SHB: variants seen among roughly 807,000 people sequenced by gnomAD.
SHB encodes SH2 domain-containing adapter protein B.
Under a neutral mutation model 52.3 loss-of-function variants are expected in SHB, and 20 were observed. The ratio of observed to expected loss-of-function variants is 0.38; its 90% CI spans 0.27 to 0.56. The LOEUF is 0.56. SHB is among the 20% of genes least tolerant of loss of function. The pLI is 0.71. For synonymous variants in SHB, 397 were observed against 316.5 expected (o/e 1.25, Z -2.70); for missense variants, 825 against 723.3 (o/e 1.14, Z -1.61).
intron 2 of SHB, among the ~76,000 whole-genome samples, chr9:37,999,125 G>A (rs1282579997): frequency 6.6e-6 from 1 of 152,204 alleles, no homozygotes; most frequent in Non-Finnish European, 1.5e-5. Flanking sequence ...AACCCTATAG[G>A]GTGTGGGATT....
chr9:37,946,583 G>A (rs1397084261), intron 5 of SHB, among the ~76,000 whole-genome samples: 1 of 152,218 alleles, frequency 6.6e-6, no homozygotes, highest in Non-Finnish European at 1.5e-5. Flanking sequence ...CCCAGTGCCA[G>A]CCCGGCAGGA....
rs183079759 is a variant in SHB, at chr9:37,919,624, C to T, written c.*197G>A. On this transcript the variant is annotated 3_prime_UTR_variant, in exon 6 of 6. Coordinates refer to ENST00000377707, the MANE Select transcript of SHB (RefSeq NM_003028.3). ...GGTGGGGGCTGGGGTGGTGTGTTGC[C>T]GCCCTTCTGTCTTTATCCAGGCCTT... The T allele has an allele frequency of 5.2e-5, 26 of 496,970 alleles. No homozygotes were observed. The highest frequency in any genetic ancestry group is 2.9e-4 in the East Asian group (9 of 31,238). 30.8% of individuals were successfully genotyped at this position (496,970 alleles called of 1,614,324 possible).
Position 37,916,695 on chromosome 9 carries a change from G to A in SHB, c.*3126C>T, listed in dbSNP as rs1009673211. Among the ~76,000 whole-genome samples the A allele has an allele frequency of 6.6e-6, 1 of 152,224 alleles. No individual in the cohort carries two copies. The highest frequency in any genetic ancestry group is 1.5e-5 in the Non-Finnish European group (1 of 68,036). On this transcript the variant is annotated 3_prime_UTR_variant, in exon 6 of 6. Coordinates refer to ENST00000377707, the MANE Select transcript of SHB (RefSeq NM_003028.3). Reference sequence around the variant, plus strand: ...AGCTACGCTGTGAGCCTCTCTCCAGGAGAGGGTGTCAGCCTGGGCCATTCT... The same window carrying A: ...AGCTACGCTGTGAGCCTCTCTCCAGAAGAGGGTGTCAGCCTGGGCCATTCT...
intron 5 of SHB, among the ~76,000 whole-genome samples, chr9:37,931,044 A>G (rs1832305882): frequency 6.6e-6 from 1 of 152,210 alleles, no homozygotes; most frequent in Non-Finnish European, 1.5e-5. Context: ...AAATGGTGCT[A>G]ATAAACTAGA....
rs545472541 is a variant in SHB, at chr9:38,021,833, T to C, written c.718-5702A>G. ...ACACCACACTGCATTTTTAGACAGG[T>C]GAATAATGAGTGTTGAATTATGATG... is the stretch of plus-strand genomic sequence containing the variant. On this transcript the variant is annotated intron_variant, in intron 1 of 5. Transcript: ENST00000377707. Among the ~76,000 whole-genome samples the C allele has an allele frequency of 3.3e-5, 5 of 152,120 alleles. No homozygotes were observed. The South Asian group carries it at 8.3e-4, about 25-fold the overall frequency.
chr9:37,962,476 T>A (rs1564089265), intron 3 of SHB, among the ~76,000 whole-genome samples: 1 of 151,618 alleles, frequency 6.6e-6, no homozygotes, highest in Non-Finnish European at 1.5e-5. Context: ...TCAAGTGATT[T>A]TGGGAACAGT....
intron 5 of SHB, among the ~76,000 whole-genome samples, chr9:37,946,310 C>T (rs1449056977): frequency 6.6e-6 from 1 of 152,238 alleles, no homozygotes; most frequent in Admixed American, 6.5e-5. Flanking sequence ...AATGGCACAC[C>T]CCAGTGAGGA....
intron 5 of SHB, among the ~76,000 whole-genome samples, chr9:37,943,796 A>G (rs940241185): frequency 3.3e-5 from 5 of 152,306 alleles, no homozygotes; most frequent in African/African-American, 4.8e-5. Context: ...CCCAGCTAGA[A>G]GTCCCCCAGT....
chr9:38,041,435 G>A (rs1414137012), intron 1 of SHB, among the ~76,000 whole-genome samples: 1 of 152,220 alleles, frequency 6.6e-6, no homozygotes, highest in East Asian at 1.9e-4. Flanking sequence ...GAGGGAGACT[G>A]CGTTGGGACA....
At chr9:37,967,806 C>A (rs1343132820) in intron 3 of SHB, among the ~76,000 whole-genome samples, 1 of 152,214 alleles carries the variant, frequency 6.6e-6, no homozygotes, top group South Asian at 2.1e-4. Flanking sequence ...AGACTTACTG[C>A]TCCAGGCAAA....
chr9:37,935,918 CA>C (rs1387854141), intron 5 of SHB, among the ~76,000 whole-genome samples: 1 of 122,736 alleles, frequency 8.1e-6, no homozygotes, highest in Non-Finnish European at 1.7e-5. Context: ...TGCTCTGCCT[CA>C]TTAAAGAAAA....
In SHB at chr9:37,919,023, G is replaced by A. The variant is rs1196648438; in HGVS notation, c.*798C>T. The A allele has an allele frequency of 1.3e-5, 2 of 152,510 alleles. No homozygotes were observed. Among genetic ancestry groups the A allele is most frequent in the African/African-American group, 4.8e-5 (2 of 41,448 alleles). The allele number at this position is 152,510 out of a possible 1,614,324, so 9.4% of individuals were successfully genotyped here. ...AGGCCTCGGCCTCCCTCCCCTCCCT[G>A]GGGCCTGCCACAGCAGCAAGCCCAG... is the stretch of plus-strand genomic sequence containing the variant. On this transcript the variant is annotated 3_prime_UTR_variant, in exon 6 of 6. Coordinates refer to ENST00000377707, the MANE Select transcript of SHB (RefSeq NM_003028.3).
intron 1 of SHB, among the ~76,000 whole-genome samples, chr9:38,032,875 G>A (rs919385323): frequency 6.6e-6 from 1 of 152,222 alleles, no homozygotes; most frequent in African/African-American, 2.4e-5. Flanking sequence ...CCCGTGCCAG[G>A]CAGAGGAGGG....
chr9:38,059,553 A>G (rs1438968594), intron 1 of SHB, among the ~76,000 whole-genome samples: 1 of 152,256 alleles, frequency 6.6e-6, no homozygotes, highest in African/African-American at 2.4e-5. Context: ...AAACATTAAT[A>G]GAAATATTAC....
intron 2 of SHB, among the ~76,000 whole-genome samples, chr9:38,011,104 T>C (rs1441046652): frequency 6.6e-6 from 1 of 152,194 alleles, no homozygotes; most frequent in Non-Finnish European, 1.5e-5. Context: ...GCCTGATCAG[T>C]GTCCAGCGCC....
intron 5 of SHB, among the ~76,000 whole-genome samples, chr9:37,927,520 A>G (rs1832264111): frequency 6.6e-6 from 1 of 152,200 alleles, no homozygotes; most frequent in African/African-American, 2.4e-5. Context: ...CATGACAAAA[A>G]GCCATCTCTA....
intron 3 of SHB, among the ~76,000 whole-genome samples, chr9:37,962,400 T>G (rs1471813221): frequency 6.6e-6 from 1 of 152,236 alleles, no homozygotes; most frequent in Non-Finnish European, 1.5e-5. Context: ...AACCTGCACC[T>G]GGCTCAGCAG....
At chr9:37,923,583 A>G (rs952831731) in intron 5 of SHB, among the ~76,000 whole-genome samples, 1 of 152,212 alleles carries the variant, frequency 6.6e-6, no homozygotes, top group African/African-American at 2.4e-5. Flanking sequence ...CCCATGAGGG[A>G]GATGCCATCT....
chr9:37,941,163 C>T (rs1337358982), intron 5 of SHB, among the ~76,000 whole-genome samples: 1 of 152,196 alleles, frequency 6.6e-6, no homozygotes, highest in East Asian at 1.9e-4. Context: ...GATGTGGGCA[C>T]AGATGGAGAC....
Sources: allele counts gnomAD v4.1 joint callset (sites outside exome capture counted in the v4.1 genomes callset), GRCh38; gene constraint gnomAD v4.1.1; transcripts MANE v1.5; gene names NCBI Gene and HGNC (gene_info 2026-07-23, HGNC 2026-07-21).